CDK19: variants seen among roughly 807,000 people sequenced by gnomAD.
The protein encoded by CDK19 is cyclin dependent kinase 19.
CDK19 carries 20 observed loss-of-function variants against 68.3 expected under a neutral mutation model. The ratio of observed to expected loss-of-function variants is 0.29; its 90% confidence interval spans 0.21 to 0.43. The LOEUF is 0.43. CDK19 is among the 20% of genes least tolerant of loss of function. The probability of loss-of-function intolerance (pLI) is 1.00; values close to 1 mark genes in which losing one functional copy is unlikely to be tolerated. For missense variants in CDK19, 339 were observed against 623.5 expected (o/e 0.54, Z 4.86); for synonymous variants, 221 against 222.8 (o/e 0.99, Z 0.07).
intron 2 of CDK19, among the ~76,000 whole-genome samples, chr6:110,739,119 C>T (rs577489193): frequency 4.0e-4 from 61 of 152,322 alleles, no homozygotes. Flanking sequence ...CTCTTCCCTC[C>T]TCAATAAACT....
Position 110,614,481 on chromosome 6 carries a change from A to T in CDK19, c.*54T>A. The T allele has an allele frequency of 5.7e-6, 9 of 1,574,192 alleles. No homozygotes were observed. Among genetic ancestry groups the T allele is most frequent in the Non-Finnish European group, 7.8e-6 (9 of 1,156,838 alleles). On this transcript the variant is annotated 3_prime_UTR_variant, in exon 13 of 13. Transcript: ENST00000368911. ...TTTTTTGGTTCTTTTCAATGCAGAC[A>T]TATTGCTGGAGCCTGTGCTCTGGGC...
intron 2 of CDK19, among the ~76,000 whole-genome samples, chr6:110,671,235 G>C (rs1013651452): frequency 6.6e-6 from 1 of 152,118 alleles, no homozygotes; most frequent in Non-Finnish European, 1.5e-5. Flanking sequence ...AGATAGACCA[G>C]AGCAGCAAGC....
chr6:110,680,475 A>T (rs1373381952), intron 2 of CDK19, among the ~76,000 whole-genome samples: 5 of 152,208 alleles, frequency 3.3e-5, no homozygotes, highest in Non-Finnish European at 4.4e-5. Flanking sequence ...AACATCACAC[A>T]AGAGTGTATT....
At chr6:110,735,840 T>C (rs1229597906) in intron 2 of CDK19, among the ~76,000 whole-genome samples, 7 of 152,206 alleles carry the variant, frequency 4.6e-5, no homozygotes, top group Admixed American at 4.6e-4. Flanking sequence ...CAGAAGATTT[T>C]TGACATCCTT....
At chr6:110,785,313 A>C (rs967828946) in intron 1 of CDK19, among the ~76,000 whole-genome samples, 1 of 152,152 alleles carries the variant, frequency 6.6e-6, no homozygotes, top group African/African-American at 2.4e-5. Flanking sequence ...CCCCACACAC[A>C]GTCAAAAACC....
chr6:110,727,628 ATC>A lies in CDK19; in HGVS notation c.204+18496_204+18497del, dbSNP rs561836346. ...CTCAAGATGTCTTTTTTAAAAGAAA[ATC>A]TCTGTCTGCCCTCTCCATCTTAGTT... is the stretch of plus-strand genomic sequence containing the variant. On this transcript the variant is annotated intron_variant, in intron 2 of 12. Transcript: ENST00000368911. Among the ~76,000 whole-genome samples the A allele has an allele frequency of 1.3e-4, 10 of 79,966 alleles. No individual in the cohort carries two copies. In the East Asian group the frequency reaches 1.6e-3, roughly 12 times the overall value. 52.5% of individuals were successfully genotyped at this position (79,966 alleles called of 152,430 possible).
intron 1 of CDK19, among the ~76,000 whole-genome samples, chr6:110,792,480 T>C (rs1781667238): frequency 6.6e-6 from 1 of 152,076 alleles, no homozygotes; most frequent in African/African-American, 2.4e-5. Flanking sequence ...CAATCTCAGC[T>C]CACTGCAACC....
intron 2 of CDK19, among the ~76,000 whole-genome samples, chr6:110,679,817 T>C (rs1271269765): frequency 6.6e-6 from 1 of 152,222 alleles, no homozygotes; most frequent in Non-Finnish European, 1.5e-5. Flanking sequence ...ACTGTTTATA[T>C]GTTATTTATT....
At chr6:110,623,709 T>C (rs557326438) in intron 8 of CDK19, among the ~76,000 whole-genome samples, 1 of 150,462 alleles carries the variant, frequency 6.6e-6, no homozygotes, top group South Asian at 2.1e-4. Flanking sequence ...GGGATAAAAA[T>C]GTTCTTAGCA....
chr6:110,619,102 G>T (rs748518211), intron 12 of CDK19, among the ~76,000 whole-genome samples: 1 of 152,136 alleles, frequency 6.6e-6, no homozygotes, highest in Non-Finnish European at 1.5e-5. Context: ...CCTCATGCCA[G>T]TCTCTCCAAC....
At chr6:110,785,128 T>C (rs1039607119) in intron 1 of CDK19, among the ~76,000 whole-genome samples, 16 of 149,552 alleles carry the variant, frequency 1.1e-4, no homozygotes, top group Non-Finnish European at 1.5e-5. Flanking sequence ...CAAACATTTA[T>C]GGAAAATGCA....
At chr6:110,736,966 T>C (rs1161484818) in intron 2 of CDK19, among the ~76,000 whole-genome samples, 1 of 152,220 alleles carries the variant, frequency 6.6e-6, no homozygotes, top group Non-Finnish European at 1.5e-5. Flanking sequence ...ATTAAATTGA[T>C]AATTTTTATA....
At chr6:110,703,861 G>T (rs1411675951) in intron 2 of CDK19, among the ~76,000 whole-genome samples, 2 of 152,000 alleles carry the variant, frequency 1.3e-5, no homozygotes, top group Non-Finnish European at 2.9e-5. Context: ...AATTAAAAAT[G>T]AACCTATATA....
At chr6:110,772,899 A>AG (rs1369789858) in intron 1 of CDK19, among the ~76,000 whole-genome samples, 2 of 151,684 alleles carry the variant, frequency 1.3e-5, no homozygotes, top group East Asian at 3.9e-4. Context: ...CCAAAAAAAA[A>AG]AAAAAAAAGA....
intron 1 of CDK19, among the ~76,000 whole-genome samples, chr6:110,794,892 C>T (rs1583118975): frequency 1.3e-5 from 2 of 151,644 alleles, no homozygotes; most frequent in East Asian, 1.9e-4. Context: ...TATTGTAGAA[C>T]ATATCTTTAA....
intron 2 of CDK19, among the ~76,000 whole-genome samples, chr6:110,718,824 C>T (rs1010175217): frequency 2.0e-5 from 3 of 151,910 alleles, no homozygotes; most frequent in African/African-American, 4.8e-5. Flanking sequence ...AAATCATATA[C>T]GTCAATCCAA....
At chr6:110,664,564 T>C (rs1365376648) in intron 4 of CDK19, among the ~76,000 whole-genome samples, 3 of 152,206 alleles carry the variant, frequency 2.0e-5, no homozygotes, top group African/African-American at 7.2e-5. Flanking sequence ...TGTATTCAAA[T>C]GCCTGATCCC....
chr6:110,802,780 C>T (rs1782428468), intron 1 of CDK19, among the ~76,000 whole-genome samples: 1 of 151,962 alleles, frequency 6.6e-6, no homozygotes, highest in Non-Finnish European at 1.5e-5. Flanking sequence ...TAATTTAAAG[C>T]CATAAAAGTA....
chr6:110,620,968 CT>C, intron 12 of CDK19, 135 bp downstream of exon 12: 1 of 756,882 alleles, frequency 1.3e-6, no homozygotes, highest in Non-Finnish European at 2.1e-6. Flanking sequence ...GAAAATCTTC[CT>C]CTTCATAGAA....
Sources: gnomAD v4.1 joint callset for allele counts (sites outside exome capture counted in the v4.1 genomes callset) on GRCh38, gnomAD v4.1.1 for gene constraint, MANE v1.5 for transcripts, NCBI Gene and HGNC (gene_info 2026-07-23, HGNC 2026-07-21) for gene names.